Variants in FAM13C observed in about 807,000 individuals in gnomAD.
The protein encoded by FAM13C is protein FAM13C.
Under a neutral mutation model 73.2 loss-of-function variants are expected in FAM13C, and 37 were observed. That is an observed-to-expected ratio of 0.51 (90% CI 0.39 to 0.67). The LOEUF (loss-of-function observed/expected upper bound fraction) is 0.67, where lower values mean the gene tolerates loss of function less well. Among genes scored for constraint, FAM13C ranks in the 30% least tolerant of loss-of-function variants. The pLI, the probability that FAM13C is intolerant of heterozygous loss-of-function variation, is 0.00. For synonymous variants in FAM13C, 246 were observed against 260.9 expected (o/e 0.94, Z 0.55); for missense variants, 589 against 715.6 (o/e 0.82, Z 2.02).
At chr10:59,272,885 T>C (rs1455263789) in intron 6 of FAM13C, among the ~76,000 whole-genome samples, 1 of 152,188 alleles carries the variant, frequency 6.6e-6, no homozygotes, top group Non-Finnish European at 1.5e-5. Context: ...CTATATATAC[T>C]ACGTTTTTTC....
At chr10:59,262,338 T>A (rs1012470390) in intron 10 of FAM13C, 96 bp downstream of exon 10, 41 of 1,118,050 alleles carry the variant, frequency 3.7e-5, no homozygotes, top group Non-Finnish European at 4.8e-5. Context: ...AATAAAAATA[T>A]TGATGTAATG....
chr10:59,354,527 A>C (rs1184167718), intron 2 of FAM13C, among the ~76,000 whole-genome samples: 1 of 152,204 alleles, frequency 6.6e-6, no homozygotes, highest in Admixed American at 6.5e-5. Flanking sequence ...GGGCAACATC[A>C]CTTCACCTCT....
In FAM13C at chr10:59,247,683, C is replaced by T. The variant is rs778118373; in HGVS notation, c.1689G>A (p.Lys563=). 1 of 1,613,410 alleles carries T rather than the reference C, an allele frequency of 6.2e-7. No individual in the cohort carries two copies. The highest frequency in any genetic ancestry group is 1.7e-5 in the Admixed American group (1 of 59,986). The change falls in exon 14 of 14, where the codon AAG becomes AAA. Residue 563 remains lysine (K), a synonymous_variant. Coordinates refer to ENST00000618804, the MANE Select transcript of FAM13C (RefSeq NM_198215.4). ...IPMADEYYEY[K]HIKAKLRLLE... ...ATAGTCTCAGTTTGGCTTTTATGTG[C>T]TTATATTCATAATACTCATCTGCCA...
intron 3 of FAM13C, among the ~76,000 whole-genome samples, chr10:59,329,342 G>GTTTTTTTTTTT (rs71006247): frequency 2.6e-5 from 2 of 77,308 alleles, no homozygotes; most frequent in Admixed American, 1.9e-4. Context: ...TTTCTTTCTG[G>GTTTTTTTTTTT]TTTTTTTTTT....
In FAM13C at chr10:59,247,564, A is replaced by C. The variant is rs1290367049; in HGVS notation, c.*50T>G. On this transcript the variant is annotated 3_prime_UTR_variant, in exon 14 of 14. Coordinates refer to ENST00000618804, the MANE Select transcript of FAM13C (RefSeq NM_198215.4). The stretch of plus-strand genomic sequence containing the variant: ...CTTAGCAAGGATGGCAGAGGAAAAT[A>C]AACTTTACTTTATATCATGGGTGAA... 6.2e-7 allele frequency: 1 copy of C among 1,610,070 alleles called. No individual in the cohort carries two copies.
intron 9 of FAM13C, chr10:59,263,831 G>T: frequency 2.1e-6 from 1 of 475,134 alleles, no homozygotes; most frequent in Non-Finnish European, 3.9e-6. Context: ...ATGTTGAAAT[G>T]TTCCTGGCAT....
At chr10:59,332,278 GT>G (rs1053974073) in intron 3 of FAM13C, among the ~76,000 whole-genome samples, 4 of 151,880 alleles carry the variant, frequency 2.6e-5, no homozygotes, top group Non-Finnish European at 4.4e-5. Flanking sequence ...TGCAGTTATG[GT>G]TTTTTTATGT....
At chr10:59,331,074 A>C (rs1209005546) in intron 3 of FAM13C, among the ~76,000 whole-genome samples, 2 of 152,190 alleles carry the variant, frequency 1.3e-5, no homozygotes, top group Admixed American at 1.3e-4. Context: ...CAGGGGCTAC[A>C]TTCTGTGCTC....
chr10:59,299,634 G>A (rs556171283), intron 5 of FAM13C, among the ~76,000 whole-genome samples: 10 of 151,920 alleles, frequency 6.6e-5, no homozygotes, highest in Admixed American at 3.9e-4. Context: ...AACAATCATT[G>A]TTCTTCATTT....
chr10:59,325,466 TAAG>T (rs1488606545), intron 3 of FAM13C, among the ~76,000 whole-genome samples: 1 of 152,198 alleles, frequency 6.6e-6, no homozygotes, highest in Non-Finnish European at 1.5e-5. Context: ...CAGCTTCAGA[TAAG>T]AAGACACTCC....
At chr10:59,342,891 TG>T (rs1182520398) in intron 3 of FAM13C, among the ~76,000 whole-genome samples, 1 of 152,234 alleles carries the variant, frequency 6.6e-6, no homozygotes. Flanking sequence ...CTGTTTTCTT[TG>T]CCTAAAGAAC....
At chr10:59,328,521 A>T (rs58809955) in intron 3 of FAM13C, among the ~76,000 whole-genome samples, 9,338 of 152,108 alleles carry the variant, frequency 0.061, 827 homozygotes, top group African/African-American at 0.19. Context: ...ACAATATTCC[A>T]TTCTAATCCC....
At chr10:59,301,829 T>C (rs77209964) in intron 5 of FAM13C, among the ~76,000 whole-genome samples, 1 of 152,218 alleles carries the variant, frequency 6.6e-6, no homozygotes, top group Non-Finnish European at 1.5e-5. Flanking sequence ...TTTAGGACAC[T>C]TTTTACCACT....
At chr10:59,247,863 T>A (rs542758985) in intron 13 of FAM13C, 126 bp from the exon 14 acceptor site, 25 of 826,260 alleles carry the variant, frequency 3.0e-5, no homozygotes, top group Non-Finnish European at 4.6e-5. Context: ...TCATGTCTTC[T>A]TTTCCTTCCC....
At chr10:59,263,881 G>C in intron 9 of FAM13C, 1 of 560,138 alleles carries the variant, frequency 1.8e-6, no homozygotes, top group Non-Finnish European at 3.2e-6. Context: ...GAGGTCCTCA[G>C]TTTCTTTGTA....
At position 59,355,950 on chromosome 10, in the gene FAM13C, G is replaced by A; in HGVS notation, c.63-7C>T. ...GACTGGATCTTCGTCACACCTGGAA[G>A]AGTGGGAAGAAAAATCACATCAGAT... On this transcript the variant is annotated splice_region_variant and splice_polypyrimidine_tract_variant and intron_variant, in intron 1 of 13. Coordinates refer to ENST00000618804, the MANE Select transcript of FAM13C (RefSeq NM_198215.4). The A allele has an allele frequency of 6.2e-7, 1 of 1,613,718 alleles. No homozygotes were observed. The highest frequency in any genetic ancestry group is 2.2e-5 in the East Asian group (1 of 44,866).
intron 3 of FAM13C, among the ~76,000 whole-genome samples, chr10:59,342,009 T>G (rs913287579): frequency 7.2e-5 from 11 of 152,190 alleles, no homozygotes; most frequent in African/African-American, 2.2e-4. Flanking sequence ...ACTCAAAACA[T>G]GGCACCATTG....
In FAM13C at chr10:59,247,553, C is replaced by G. The variant is rs1840823296; in HGVS notation, c.*61G>C. 5 of 1,603,204 alleles carry G rather than the reference C, an allele frequency of 3.1e-6. No homozygotes were observed. The highest frequency in any genetic ancestry group is 4.3e-6 in the Non-Finnish European group (5 of 1,173,656). On this transcript the variant is annotated 3_prime_UTR_variant, in exon 14 of 14. Coordinates refer to ENST00000618804, the MANE Select transcript of FAM13C (RefSeq NM_198215.4). ...TGTCAAAACTACTTAGCAAGGATGG[C>G]AGAGGAAAATAAACTTTACTTTATA...
intron 4 of FAM13C, among the ~76,000 whole-genome samples, chr10:59,307,741 AAGC>A (rs1243877818): frequency 6.6e-6 from 1 of 152,178 alleles, no homozygotes; most frequent in Non-Finnish European, 1.5e-5. Flanking sequence ...GAGAAAAAGA[AAGC>A]AAGGCAAGAA....
Sources: gnomAD v4.1 joint callset for allele counts (sites outside exome capture counted in the v4.1 genomes callset) on GRCh38, gnomAD v4.1.1 for gene constraint, MANE v1.5 for transcripts, NCBI Gene and HGNC (gene_info 2026-07-23, HGNC 2026-07-21) for gene names.